The following GRM4 variants were observed in gnomAD, a reference collection of about 807,000 sequenced individuals.
GRM4 encodes the protein metabotropic glutamate receptor 4.
A neutral mutation model predicts 81.7 loss-of-function variants in GRM4; 28 were observed. The observed-to-expected ratio is 0.34, with a 90% CI of 0.25 to 0.47. The LOEUF (loss-of-function observed/expected upper bound fraction) is 0.47, where lower values mean the gene tolerates loss of function less well. Among genes scored for constraint, GRM4 ranks in the 20% least tolerant of loss-of-function variants. The pLI is 1.00. For synonymous variants in GRM4, 488 were observed against 528.8 expected (o/e 0.92, Z 1.06); for missense variants, 948 against 1,290.0 (o/e 0.73, Z 4.06).
Position 34,092,149 on chromosome 6 carries a change from C to A in GRM4, c.520-50G>T, listed in dbSNP as rs754125155. ...GGGTGGCGACTGGCTCCCCACCCTG[C>A]CTAGCCAGCCCCATTCCCCTACACA... On this transcript the variant is annotated intron_variant, in intron 2 of 10. Transcript: ENST00000538487. The surrounding 1 kb of genome is among the most constrained non-coding windows in gnomAD (Gnocchi z 6.8). 23 of 1,276,982 alleles carry A rather than the reference C, an allele frequency of 1.8e-5. No homozygotes were observed. The highest frequency in any genetic ancestry group is 2.3e-5 in the Non-Finnish European group (21 of 894,104). 79.1% of individuals were successfully genotyped at this position (1,276,982 alleles called of 1,614,324 possible). A position where few individuals can be genotyped will look rare whatever the true frequency, so the allele number is the denominator to read the frequency against.
chr6:34,040,275 T>C lies in GRM4; in HGVS notation c.1409A>G (p.Asp470Gly). Reference sequence around the variant, plus strand: ...GTAGATGTCATAGCGCCCAGGCGCATCTCCATTCTCATTGAAGGTCACAGG... The same window carrying C: ...GTAGATGTCATAGCGCCCAGGCGCACCTCCATTCTCATTGAAGGTCACAGG... ...GNPVTFNENG[D>G]APGRYDIYQY... is the part of the protein sequence containing the mutation. Residue 470 changes from aspartate to glycine, a missense_variant, in exon 8 of 11, where the codon GAT (aspartate) becomes GGT (glycine). Physicochemically the swap from Asp to Gly is moderately conservative, Grantham distance 94 (BLOSUM62 -1). Transcript: ENST00000538487. The C allele has an allele frequency of 1.2e-6, 2 of 1,614,202 alleles. No homozygotes were observed. The highest frequency in any genetic ancestry group is 1.7e-6 in the Non-Finnish European group (2 of 1,179,992).
At position 34,133,317 on chromosome 6, in the gene GRM4, C is replaced by T; in HGVS notation, c.180G>A (p.Arg60=). 6.2e-7 allele frequency: 1 copy of T among 1,614,132 alleles called. No individual in the cohort carries two copies. Among genetic ancestry groups the T allele is most frequent in the Non-Finnish European group, 8.5e-7 (1 of 1,180,018 alleles). Residue 60 remains arginine (R), a synonymous_variant, in exon 2 of 11, where the codon CGG becomes CGA. Transcript: ENST00000538487. This position sits in a 1 kb window ranked among gnomAD's most constrained non-coding sequence, Gnocchi z 6.5. ...TLGGLFPVHG[R]GSEGKPCGEL... ...CTCCACAGGGCTTGCCCTCTGAGCC[C>T]CGGCCATGCACCGGGAACAGGCCTC... is the stretch of plus-strand genomic sequence containing the variant.
At chr6:34,116,900 AAAG>A (rs2127501678) in intron 2 of GRM4, among the ~76,000 whole-genome samples, 1 of 152,334 alleles carries the variant, frequency 6.6e-6, no homozygotes, top group South Asian at 2.1e-4. Flanking sequence ...AATGTGAGCA[AAAG>A]AAGCTGGACA....
intron 2 of GRM4, among the ~76,000 whole-genome samples, chr6:34,099,504 G>C (rs1220256551): frequency 6.6e-6 from 1 of 152,136 alleles, no homozygotes; most frequent in African/African-American, 2.4e-5. Context: ...CAGAGAGAGT[G>C]GGGACTAGCA....
In GRM4 at chr6:34,069,107, TAGGGGAGGACAG is replaced by T. The variant is rs1038995163; in HGVS notation, c.737-7091_737-7080del. Reference sequence around the variant, plus strand: ...GGAGAGCAGGTCCCCCCGGCTCCCATAGGGGAGGACAGAGGGGAGGACAGGGGCTGGAAGCTA... The same window carrying T: ...GGAGAGCAGGTCCCCCCGGCTCCCATAGGGGAGGACAGGGGCTGGAAGCTA... On this transcript the variant is annotated intron_variant, in intron 3 of 10. Coordinates refer to ENST00000538487, the MANE Select transcript of GRM4 (RefSeq NM_000841.4). The surrounding 1 kb of genome is among the most constrained non-coding windows in gnomAD (Gnocchi z 6.4). Among the ~76,000 whole-genome samples, 1 of 149,626 alleles carries T rather than the reference TAGGGGAGGACAG, an allele frequency of 6.7e-6. No homozygotes were observed. The highest frequency in any genetic ancestry group is 2.5e-5 in the African/African-American group (1 of 40,346).
chr6:34,056,213 A>G, intron 6 of GRM4: 1 of 242,084 alleles, frequency 4.1e-6, no homozygotes, highest in Non-Finnish European at 7.9e-6. Context: ...GAAAGTGCCC[A>G]GCCTGGTGTG....
chr6:34,105,569 CCCAGGGCT>C (rs1769082683), intron 2 of GRM4, among the ~76,000 whole-genome samples: 1 of 152,094 alleles, frequency 6.6e-6, no homozygotes. Context: ...CCTGGTGGTC[CCCAGGGCT>C]CAGCGCTCCC....
At chr6:34,135,785 G>C (rs1770431837) in intron 1 of GRM4, among the ~76,000 whole-genome samples, 1 of 152,228 alleles carries the variant, frequency 6.6e-6, no homozygotes, top group African/African-American at 2.4e-5. Flanking sequence ...ATTCAGAAGA[G>C]AGAAACCATA....
chr6:34,120,740 G>A (rs984458509), intron 2 of GRM4, among the ~76,000 whole-genome samples: 3 of 152,020 alleles, frequency 2.0e-5, no homozygotes, highest in Non-Finnish European at 2.9e-5. Flanking sequence ...CTCTCAGGGC[G>A]CGCCACAACA....
At position 34,080,094 on chromosome 6, in the gene GRM4, C is replaced by T. The variant is rs764255798; in HGVS notation, c.736+11789G>A. On this transcript the variant is annotated intron_variant, in intron 3 of 10. Transcript: ENST00000538487. This position sits in a 1 kb window ranked among gnomAD's most constrained non-coding sequence, Gnocchi z 5.4. ...TGCCTCCTGGTTATTCTCCAAATGC[C>T]GGGCAGGCACCACCTCAGGGCCTTT... 2.0e-5 allele frequency among the ~76,000 whole-genome samples: 3 copies of T among 152,208 alleles called. No individual in the cohort carries two copies. Among genetic ancestry groups the T allele is most frequent in the Admixed American group, 2.0e-4 (3 of 15,288 alleles).
intron 2 of GRM4, chr6:34,103,787 T>G: frequency 6.9e-7 from 1 of 1,448,620 alleles, no homozygotes; most frequent in Non-Finnish European, 9.0e-7. Flanking sequence ...TCACCTCCTT[T>G]GTGAGCCTCA....
At chr6:34,076,275 C>A (rs550564154) in intron 3 of GRM4, among the ~76,000 whole-genome samples, 327 of 152,354 alleles carry the variant, frequency 2.1e-3, no homozygotes, top group African/African-American at 7.5e-3. Flanking sequence ...CCCTCCCACC[C>A]ACCCCACCGC....
Position 34,062,044 on chromosome 6 carries a change from C to T in GRM4, c.737-16G>A, listed in dbSNP as rs1766213708. ...CACACGCCCCCTGCAGGAGGGGCAC[C>T]AGTTAGTTGGGGTGGGCAGGGGAAC... is the stretch of plus-strand genomic sequence containing the variant. On this transcript the variant is annotated splice_polypyrimidine_tract_variant and intron_variant, in intron 3 of 10. Coordinates refer to ENST00000538487, the MANE Select transcript of GRM4 (RefSeq NM_000841.4). The T allele has an allele frequency of 6.2e-7, 1 of 1,600,278 alleles. No individual in the cohort carries two copies. The highest frequency in any genetic ancestry group is 8.5e-7 in the Non-Finnish European group (1 of 1,169,946).
At chr6:34,024,839 A>C (rs1255585302) in intron 10 of GRM4, 5 of 449,406 alleles carry the variant, frequency 1.1e-5, no homozygotes, top group Admixed American at 2.4e-5. Flanking sequence ...CAACATCCAA[A>C]AAAAGAATAA....
chr6:34,149,975 G>A (rs576631404), upstream of GRM4, among the ~76,000 whole-genome samples: 1 of 152,298 alleles, frequency 6.6e-6, no homozygotes, highest in South Asian at 2.1e-4. Flanking sequence ...ACTGCAGGAA[G>A]GCCAGCCCAA....
At chr6:34,109,705 CTG>C (rs965306421) in intron 2 of GRM4, among the ~76,000 whole-genome samples, 2 of 152,158 alleles carry the variant, frequency 1.3e-5, no homozygotes, top group Admixed American at 6.5e-5. Context: ...GTGTCCCTGA[CTG>C]TGGCCTCTGG....
At chr6:34,083,226 A>G (rs886494223) in intron 3 of GRM4, among the ~76,000 whole-genome samples, 3 of 152,138 alleles carry the variant, frequency 2.0e-5, no homozygotes, top group Non-Finnish European at 4.4e-5. Flanking sequence ...CACTGAAAGA[A>G]AAGCAGCAGG....
At chr6:34,097,530 C>A (rs1438751866) in intron 2 of GRM4, among the ~76,000 whole-genome samples, 1 of 152,188 alleles carries the variant, frequency 6.6e-6, no homozygotes, top group East Asian at 1.9e-4. Context: ...GCCCAGCCAG[C>A]AGCCTCACAC....
At chr6:34,037,806 T>G (rs1437354002) in intron 8 of GRM4, among the ~76,000 whole-genome samples, 2 of 143,764 alleles carry the variant, frequency 1.4e-5, no homozygotes, top group African/African-American at 5.2e-5. Context: ...GAGGTTTCAG[T>G]GAGCCAAGAT....
Sources: gnomAD v4.1 joint callset for allele counts (sites outside exome capture counted in the v4.1 genomes callset) on GRCh38, gnomAD v4.1.1 for gene constraint, Gnocchi (gnomAD v3.1) non-coding constraint, MANE v1.5 for transcripts, NCBI Gene and HGNC (gene_info 2026-07-23, HGNC 2026-07-21) for gene names.